The following TBC1D12 variants were observed in gnomAD, a reference collection of about 807,000 sequenced individuals.
The protein encoded by TBC1D12 is TBC1 domain family member 12, also known as TBC1 domain family, member 12.
In TBC1D12, 56 loss-of-function variants were observed where a neutral mutation model predicts 86.7. The ratio of observed to expected loss-of-function variants is 0.65; its 90% CI spans 0.52 to 0.81. The LOEUF (loss-of-function observed/expected upper bound fraction) is 0.81. Among genes scored for constraint, TBC1D12 ranks in the 30% least tolerant of loss-of-function variants. The pLI is 0.00. For missense variants in TBC1D12, 1,023 were observed against 1,038.8 expected (o/e 0.98, Z 0.21); for synonymous variants, 421 against 411.7 (o/e 1.02, Z -0.27).
At chr10:94,500,422 C>G in intron 6 of TBC1D12, 95 bp downstream of exon 6, 3 of 964,934 alleles carry the variant, frequency 3.1e-6, no homozygotes, top group Non-Finnish European at 4.5e-6. Context: ...AATAAATGGC[C>G]TTTATCATAT....
At chr10:94,439,097 C>T (rs1034833863) in intron 1 of TBC1D12, among the ~76,000 whole-genome samples, 1 of 151,674 alleles carries the variant, frequency 6.6e-6, no homozygotes. Context: ...AGCCACCATG[C>T]CCCGCTCCAG....
intron 1 of TBC1D12, among the ~76,000 whole-genome samples, chr10:94,437,825 A>AT (rs1209094452): frequency 1.3e-5 from 2 of 151,598 alleles, no homozygotes; most frequent in Admixed American, 6.6e-5. Flanking sequence ...CATCTGGTGA[A>AT]TTTTTTATTT....
chr10:94,478,377 A>G (rs1018879163), intron 3 of TBC1D12, among the ~76,000 whole-genome samples: 2 of 152,198 alleles, frequency 1.3e-5, no homozygotes, highest in Non-Finnish European at 2.9e-5. Flanking sequence ...GGAAGCCAGT[A>G]GGTGGTTAGA....
chr10:94,459,438 G>A (rs113438428), intron 2 of TBC1D12, among the ~76,000 whole-genome samples: 245 of 152,364 alleles, frequency 1.6e-3, no homozygotes, highest in African/African-American at 5.5e-3. Context: ...TTCGCCTAGC[G>A]GATCCTGTGC....
intron 2 of TBC1D12, among the ~76,000 whole-genome samples, chr10:94,465,542 AG>A (rs1394088909): frequency 6.6e-6 from 1 of 151,900 alleles, no homozygotes; most frequent in African/African-American, 2.4e-5. Context: ...GCTACTCGGG[AG>A]GCTGAGGCAG....
intron 2 of TBC1D12, among the ~76,000 whole-genome samples, chr10:94,468,386 C>T (rs560979936): frequency 4.3e-4 from 65 of 152,278 alleles, no homozygotes; most frequent in Non-Finnish European, 7.6e-4. Flanking sequence ...ATTCTCTTAG[C>T]TATTGCTTGT....
At chr10:94,463,253 G>T (rs2055756634) in intron 2 of TBC1D12, among the ~76,000 whole-genome samples, 1 of 152,184 alleles carries the variant, frequency 6.6e-6, no homozygotes, top group Non-Finnish European at 1.5e-5. Flanking sequence ...GCTTATAACA[G>T]AATATTGGAA....
chr10:94,403,454 C>A lies in TBC1D12; in HGVS notation c.841C>A (p.Arg281Ser). 6.5e-7 allele frequency: 1 copy of A among 1,544,368 alleles called. No individual in the cohort carries two copies. Among genetic ancestry groups the A allele is most frequent in the Non-Finnish European group, 8.7e-7 (1 of 1,145,474 alleles). The change falls in exon 1 of 13, where the codon CGC (arginine) becomes AGC (serine). Residue 281 changes from arginine (R) to serine (S), a missense_variant. This residue lies in a region of TBC1D12 where 628 missense variants were observed against 531.1 expected (regional missense o/e 1.18). Coordinates refer to ENST00000225235, the MANE Select transcript of TBC1D12 (RefSeq NM_015188.2). ...CTCTCGCAACACGTTCCAGGTGAGC[C>A]GCGGTCAGAGCGCCCGCGATCACCT... ...FNSRNTFQVS[R>S]GQSARDHLPP...
chr10:94,527,499 G>GT (rs1842324627), intron 11 of TBC1D12, among the ~76,000 whole-genome samples: 35 of 136,020 alleles, frequency 2.6e-4, no homozygotes, highest in Non-Finnish European at 4.5e-4. Flanking sequence ...CATTCTGTGG[G>GT]GTTTTTTTTT....
chr10:94,475,239 C>T (rs1444871533), intron 3 of TBC1D12, among the ~76,000 whole-genome samples: 1 of 152,182 alleles, frequency 6.6e-6, no homozygotes, highest in Non-Finnish European at 1.5e-5. Context: ...CCTTTCTTGA[C>T]ATTTAGTATG....
chr10:94,531,789 G>GTTATT (rs1229483248), intron 12 of TBC1D12, among the ~76,000 whole-genome samples: 2 of 115,302 alleles, frequency 1.7e-5, no homozygotes, highest in Admixed American at 1.6e-4. Flanking sequence ...TTTATTTTAT[G>GTTATT]TTATTTTATT....
In TBC1D12 at chr10:94,510,197, G is replaced by A; in HGVS notation, c.1689+18G>A. On this transcript the variant is annotated intron_variant, in intron 8 of 12. Coordinates refer to ENST00000225235, the MANE Select transcript of TBC1D12 (RefSeq NM_015188.2). The stretch of plus-strand genomic sequence containing the variant: ...TTCAGAAGGTGAGGGTTTCTAACCA[G>A]CTTGTAATTACTTAAAAAAAATCTA... 6.6e-7 allele frequency: 1 copy of A among 1,513,772 alleles called. No individual in the cohort carries two copies. The highest frequency in any genetic ancestry group is 8.9e-7 in the Non-Finnish European group (1 of 1,125,844). 93.8% of individuals were successfully genotyped at this position (1,513,772 alleles called of 1,614,324 possible).
chr10:94,446,101 ATTTTCT>A lies in TBC1D12; in HGVS notation c.1095+4087_1095+4092del, dbSNP rs139748606. ...ATTCTCATTTTTCAAAGTGGGCATG[ATTTTCT>A]TTTTATAGTAATGGTAAATTTACAA... On this transcript the variant is annotated intron_variant, in intron 2 of 12. Coordinates refer to ENST00000225235, the MANE Select transcript of TBC1D12 (RefSeq NM_015188.2). Among the ~76,000 whole-genome samples, 1,252 of 152,030 alleles carry A rather than the reference ATTTTCT, an allele frequency of 8.2e-3. 13 individuals carry two copies. Among genetic ancestry groups the A allele is most frequent in the Non-Finnish European group, 9.9e-3 (673 of 67,972 alleles).
intron 1 of TBC1D12, among the ~76,000 whole-genome samples, chr10:94,428,209 G>A (rs1371408110): frequency 1.3e-5 from 2 of 151,894 alleles, no homozygotes; most frequent in Non-Finnish European, 2.9e-5. Context: ...AGTCTGTCTT[G>A]GAAGTGGTAG....
intron 1 of TBC1D12, among the ~76,000 whole-genome samples, chr10:94,411,686 G>A (rs979920613): frequency 1.3e-5 from 2 of 152,178 alleles, no homozygotes; most frequent in African/African-American, 2.4e-5. Flanking sequence ...AGAAAGTTGC[G>A]TGGTTGGGCC....
intron 5 of TBC1D12, 67 bp from the exon 6 acceptor site, chr10:94,500,154 C>A: frequency 1.4e-6 from 2 of 1,380,508 alleles, no homozygotes; most frequent in African/African-American, 1.4e-5. Flanking sequence ...AAAGATAATC[C>A]ATCATGCAAC....
chr10:94,482,966 C>A (rs746479032), intron 3 of TBC1D12, among the ~76,000 whole-genome samples: 9 of 151,802 alleles, frequency 5.9e-5, no homozygotes, highest in African/African-American at 9.7e-5. Context: ...CATATTGTTG[C>A]AAATGACAGG....
At chr10:94,440,845 C>A (rs2055370301) in intron 1 of TBC1D12, among the ~76,000 whole-genome samples, 1 of 152,106 alleles carries the variant, frequency 6.6e-6, no homozygotes, top group South Asian at 2.1e-4. Context: ...TTGGTTAGGG[C>A]ATGGAGATAA....
chr10:94,496,992 A>G, intron 4 of TBC1D12, 63 bp from the exon 5 acceptor site: 1 of 950,720 alleles, frequency 1.1e-6, no homozygotes, highest in Non-Finnish European at 1.5e-6. Flanking sequence ...GTTTAGGTAA[A>G]TGGAGAAAAG....
Sources: gnomAD v4.1 joint callset for allele counts (sites outside exome capture counted in the v4.1 genomes callset) on GRCh38, gnomAD v4.1.1 for gene constraint, gnomAD v4.1.1 regional missense constraint, MANE v1.5 for transcripts, NCBI Gene and HGNC (gene_info 2026-07-23, HGNC 2026-07-21) for gene names.